The following HS3ST4 variants were observed in gnomAD, a reference collection of about 807,000 sequenced individuals.
The protein encoded by HS3ST4 is heparan sulfate glucosamine 3-O-sulfotransferase 4.
Under a neutral mutation model 29.2 loss-of-function variants are expected in HS3ST4, and 17 were observed. The observed-to-expected ratio is 0.58, with a 90% CI of 0.40 to 0.87. HS3ST4 has a LOEUF of 0.87. HS3ST4 is among the 40% of genes least tolerant of loss of function. The probability of loss-of-function intolerance (pLI) is 0.00; values close to 1 mark genes in which losing one functional copy is unlikely to be tolerated. For synonymous variants in HS3ST4, 314 were observed against 285.7 expected (o/e 1.10, Z -1.00); for missense variants, 627 against 634.5 (o/e 0.99, Z 0.13).
intron 1 of HS3ST4, among the ~76,000 whole-genome samples, chr16:26,132,695 A>G (rs1473971265): frequency 6.6e-6 from 1 of 152,222 alleles, no homozygotes; most frequent in Non-Finnish European, 1.5e-5. Context: ...ATTGAGGTCT[A>G]AGAAGGCAAA....
intron 1 of HS3ST4, among the ~76,000 whole-genome samples, chr16:26,096,167 A>G (rs1254125062): frequency 6.6e-6 from 1 of 152,214 alleles, no homozygotes; most frequent in Non-Finnish European, 1.5e-5. Context: ...CCAGAGGTAC[A>G]AAGAGGAGCT....
intron 1 of HS3ST4, among the ~76,000 whole-genome samples, chr16:25,837,637 G>T (rs556332795): frequency 1.4e-4 from 22 of 152,034 alleles, no homozygotes; most frequent in East Asian, 7.7e-4. Context: ...GCATGTTAGG[G>T]TACAGGTCCT....
Position 25,717,722 on chromosome 16 carries a change from C to A in HS3ST4, c.734+24571C>A, listed in dbSNP as rs900768303. On this transcript the variant is annotated intron_variant, in intron 1 of 1. Transcript: ENST00000331351. ...AAGACATGCAAGGACTTGTAGGCCA[C>A]GTTAAAGAGTTAGGGTTTTGTCCTA... Among the ~76,000 whole-genome samples, 16 of 151,918 alleles carry A rather than the reference C, an allele frequency of 1.1e-4. 1 individual carries two copies. Among genetic ancestry groups the A allele is most frequent in the Non-Finnish European group, 1.9e-4 (13 of 67,996 alleles).
chr16:25,692,723 G>A lies in HS3ST4; in HGVS notation c.306G>A (p.Pro102=). ...CCTCGCAGCCGCCCGCGCCGCCGCC[G>A]CTGGACAACGCGAGCCACGGGGAGC... ...GAPSQPPAPP[P]LDNASHGEPP... The change falls in exon 1 of 2, where the codon CCG becomes CCA. Residue 102 remains proline, a synonymous_variant. Coordinates refer to ENST00000331351, the MANE Select transcript of HS3ST4 (RefSeq NM_006040.3). 7.9e-7 allele frequency: 1 copy of A among 1,259,964 alleles called. No homozygotes were observed. Among genetic ancestry groups the A allele is most frequent in the Non-Finnish European group, 9.9e-7 (1 of 1,005,420 alleles). The allele number at this position is 1,259,964 out of a possible 1,614,324, so 78.0% of individuals were successfully genotyped here. A position where few individuals can be genotyped will look rare whatever the true frequency, so the allele number is the denominator to read the frequency against.
intron 1 of HS3ST4, among the ~76,000 whole-genome samples, chr16:26,001,870 T>A (rs1969214649): frequency 6.6e-6 from 1 of 152,052 alleles, no homozygotes; most frequent in South Asian, 2.1e-4. Context: ...AGGGGGGTAT[T>A]GCAATAGCTC....
chr16:25,911,812 ATT>A (rs1261016028), intron 1 of HS3ST4, among the ~76,000 whole-genome samples: 2 of 151,762 alleles, frequency 1.3e-5, no homozygotes, highest in African/African-American at 4.8e-5. Context: ...CCTGACTCGG[ATT>A]TTGTTTTTGT....
Position 26,059,458 on chromosome 16 carries a change from C to T in HS3ST4, c.735-76154C>T, listed in dbSNP as rs750786686. Among the ~76,000 whole-genome samples, 93 of 152,260 alleles carry T rather than the reference C, an allele frequency of 6.1e-4. 1 individual carries two copies. Among genetic ancestry groups the T allele is most frequent in the Admixed American group, 9.8e-4 (15 of 15,292 alleles). On this transcript the variant is annotated intron_variant, in intron 1 of 1. Coordinates refer to ENST00000331351, the MANE Select transcript of HS3ST4 (RefSeq NM_006040.3). Reference sequence around the variant, plus strand: ...TGCCTAAGAATGAAATAAAGTAGGGCGGAGAGGGTCCTTTAGCTACTTATA... The same window carrying T: ...TGCCTAAGAATGAAATAAAGTAGGGTGGAGAGGGTCCTTTAGCTACTTATA...
At chr16:26,099,404 C>T (rs2141795590) in intron 1 of HS3ST4, among the ~76,000 whole-genome samples, 1 of 152,290 alleles carries the variant, frequency 6.6e-6, no homozygotes, top group Non-Finnish European at 1.5e-5. Flanking sequence ...AATCTTCATG[C>T]CTCCACCTCA....
intron 1 of HS3ST4, among the ~76,000 whole-genome samples, chr16:25,976,702 G>A (rs1408895626): frequency 2.0e-5 from 3 of 152,182 alleles, no homozygotes; most frequent in Non-Finnish European, 4.4e-5. Context: ...AGTAAAATGA[G>A]TCTGGGAACA....
chr16:25,838,629 G>A (rs983888377), intron 1 of HS3ST4, among the ~76,000 whole-genome samples: 4 of 152,024 alleles, frequency 2.6e-5, no homozygotes, highest in East Asian at 1.9e-4. Flanking sequence ...TATTTCTCAC[G>A]CTCTGTCTTT....
rs1186280699 is a variant in HS3ST4 at position 26,032,812 on chromosome 16, G to C, written c.735-102800G>C. 11 of 1,560,344 alleles carry C rather than the reference G, an allele frequency of 7.0e-6. No homozygotes were observed. The East Asian group carries it at 2.5e-4, about 35-fold the overall frequency. On this transcript the variant is annotated intron_variant, in intron 1 of 1. Transcript: ENST00000331351. ...CCCCTTCAGCCTTTCTCTTGGGCAT[G>C]GTGGTGGCGGCGACGGCAGCAGGAC... is the stretch of plus-strand genomic sequence containing the variant.
chr16:25,872,906 G>A (rs1967770258), intron 1 of HS3ST4, among the ~76,000 whole-genome samples: 1 of 151,892 alleles, frequency 6.6e-6, no homozygotes, highest in Non-Finnish European at 1.5e-5. Context: ...GTTTTGTTTT[G>A]TTTCGTTTTG....
chr16:26,088,189 G>A (rs180899321), intron 1 of HS3ST4, among the ~76,000 whole-genome samples: 39 of 152,154 alleles, frequency 2.6e-4, no homozygotes, highest in Non-Finnish European at 5.0e-4. Context: ...TTGTATTCTC[G>A]TCCAGAACAC....
chr16:25,747,349 T>G (rs1400366376), intron 1 of HS3ST4, among the ~76,000 whole-genome samples: 4 of 152,224 alleles, frequency 2.6e-5, no homozygotes, highest in Non-Finnish European at 1.5e-5. Flanking sequence ...TCAGCACCGT[T>G]GGCCGTGGAC....
chr16:25,823,212 A>G (rs1967180546), intron 1 of HS3ST4, among the ~76,000 whole-genome samples: 1 of 152,224 alleles, frequency 6.6e-6, no homozygotes, highest in Admixed American at 6.5e-5. Flanking sequence ...TCTTTAGCCC[A>G]GGGAACTCTT....
chr16:25,936,035 G>C (rs1968514066), intron 1 of HS3ST4, among the ~76,000 whole-genome samples: 1 of 152,154 alleles, frequency 6.6e-6, no homozygotes, highest in African/African-American at 2.4e-5. Flanking sequence ...GCCTCCAAAA[G>C]TGCTGGGATT....
In HS3ST4 at chr16:25,960,698, G is replaced by T. The variant is rs763401351; in HGVS notation, c.735-174914G>T. 2.6e-5 allele frequency among the ~76,000 whole-genome samples: 4 copies of T among 152,220 alleles called. No homozygotes were observed. The East Asian group carries it at 7.7e-4, about 29-fold the overall frequency. The stretch of plus-strand genomic sequence containing the variant: ...TTATATATCAGAGCCTGGGCTTCCA[G>T]ATCTTGCAATAGAGACAATTTCAGT... On this transcript the variant is annotated intron_variant, in intron 1 of 1. Transcript: ENST00000331351.
chr16:25,854,893 C>T lies in HS3ST4; in HGVS notation c.734+161742C>T, dbSNP rs1331992305. On this transcript the variant is annotated intron_variant, in intron 1 of 1. Transcript: ENST00000331351. ...ATTTGTGTTGGGCCACATTCAAAGCCATCCTGGGCTGTCAGTTGGCCTGGG... is the reference window on the plus strand; with the variant it reads ...ATTTGTGTTGGGCCACATTCAAAGCTATCCTGGGCTGTCAGTTGGCCTGGG... 2.0e-5 allele frequency among the ~76,000 whole-genome samples: 3 copies of T among 152,130 alleles called. No homozygotes were observed. In the East Asian group the frequency reaches 5.8e-4, roughly 29 times the overall value.
chr16:25,794,639 G>C (rs556939162), intron 1 of HS3ST4, among the ~76,000 whole-genome samples: 2 of 151,714 alleles, frequency 1.3e-5, no homozygotes, highest in South Asian at 4.2e-4. Context: ...TTTTCCCCTG[G>C]ATGCTTTGAA....
Sources: gnomAD v4.1 joint callset for allele counts (sites outside exome capture counted in the v4.1 genomes callset) on GRCh38, gnomAD v4.1.1 for gene constraint, MANE v1.5 for transcripts, NCBI Gene and HGNC (gene_info 2026-07-23, HGNC 2026-07-21) for gene names.